The following RALGPS1 variants were observed in gnomAD, a reference collection of about 807,000 sequenced individuals.
RALGPS1 encodes the protein ras-specific guanine nucleotide-releasing factor RalGPS1.
In RALGPS1, 19 loss-of-function variants were observed where a neutral mutation model predicts 78.8. The observed-to-expected ratio is 0.24, with a 90% CI of 0.17 to 0.35. RALGPS1 has a LOEUF of 0.35. RALGPS1 is among the 10% of genes least tolerant of loss of function. RALGPS1 has a pLI of 1.00. For missense variants in RALGPS1, 454 were observed against 688.3 expected, an observed-to-expected ratio of 0.66 and a Z score of 3.81; for synonymous variants, 228 against 256.3, an observed-to-expected ratio of 0.89 and a Z score of 1.06.
intron 8 of RALGPS1, among the ~76,000 whole-genome samples, chr9:127,103,195 A>G (rs2053902227): frequency 6.6e-6 from 1 of 152,248 alleles, no homozygotes; most frequent in Non-Finnish European, 1.5e-5. Context: ...GTGCTGGGGA[A>G]CCACAATCGT....
At chr9:127,198,986 G>C in intron 13 of RALGPS1, 29 bp from the exon 14 acceptor site, 1 of 1,607,918 alleles carries the variant, frequency 6.2e-7, no homozygotes, top group Non-Finnish European at 8.5e-7. Flanking sequence ...TGAAGCCGTT[G>C]TGCTCATTGA....
At chr9:126,962,170 G>A (rs1016067489) in intron 1 of RALGPS1, 55 bp from the exon 2 acceptor site, 9 of 925,922 alleles carry the variant, frequency 9.7e-6, no homozygotes, top group East Asian at 5.3e-5. Context: ...TTTGCCTGGG[G>A]GTGGGGATAA....
At chr9:127,001,969 T>C (rs1390514215) in intron 4 of RALGPS1, among the ~76,000 whole-genome samples, 2 of 152,184 alleles carry the variant, frequency 1.3e-5, no homozygotes, top group Non-Finnish European at 2.9e-5. Context: ...TTAAAGTCTA[T>C]TATCTTTTAA....
chr9:127,143,870 C>T (rs889815187), intron 8 of RALGPS1, among the ~76,000 whole-genome samples: 2 of 152,210 alleles, frequency 1.3e-5, no homozygotes, highest in African/African-American at 4.8e-5. Context: ...GGCAGGAGTC[C>T]TCGTTGGAGA....
In RALGPS1 at chr9:127,219,330, A is replaced by G; in HGVS notation, c.*561A>G. 1 of 156,444 alleles carries G rather than the reference A, an allele frequency of 6.4e-6. No individual in the cohort carries two copies. Among genetic ancestry groups the G allele is most frequent in the Non-Finnish European group, 1.4e-5 (1 of 70,266 alleles). The allele number at this position is 156,444 out of a possible 1,614,324, so 9.7% of individuals were successfully genotyped here. A position where few individuals can be genotyped will look rare whatever the true frequency, so the allele number is the denominator to read the frequency against. ...ATTTTGGCACAAGACTCGTGACATC[A>G]CACACTTCATTCGCTTTGAGGCCCT... On this transcript the variant is annotated 3_prime_UTR_variant, in exon 19 of 19. Coordinates refer to ENST00000259351, the MANE Select transcript of RALGPS1 (RefSeq NM_014636.3). The surrounding 1 kb of genome is among the most constrained non-coding windows in gnomAD (Gnocchi z 5.0).
intron 1 of RALGPS1, among the ~76,000 whole-genome samples, chr9:126,915,203 TGGGGTCCGGGGCCA>T (rs2033990507): frequency 2.5e-5 from 2 of 80,696 alleles, no homozygotes; most frequent in Non-Finnish European, 4.9e-5. Flanking sequence ...CCGGGGGTTC[TGGGGTCCGGGGCCA>T]GGGGCGCGCT....
chr9:126,917,419 T>G (rs1370838443), intron 1 of RALGPS1, among the ~76,000 whole-genome samples: 1 of 152,218 alleles, frequency 6.6e-6, no homozygotes, highest in Non-Finnish European at 1.5e-5. Context: ...TGAAAAATAC[T>G]GCATGTGAGG....
At chr9:127,058,664 A>G (rs1296129671) in intron 7 of RALGPS1, among the ~76,000 whole-genome samples, 1 of 152,206 alleles carries the variant, frequency 6.6e-6, no homozygotes, top group Non-Finnish European at 1.5e-5. Context: ...TGATCTCAAG[A>G]GGAGACTGAC....
chr9:127,060,158 C>T (rs1265728360), intron 7 of RALGPS1, among the ~76,000 whole-genome samples: 1 of 152,114 alleles, frequency 6.6e-6, no homozygotes, highest in African/African-American at 2.4e-5. Context: ...AATTCAGCTA[C>T]CCGTAGAAAT....
intron 4 of RALGPS1, among the ~76,000 whole-genome samples, chr9:127,020,802 C>G (rs1459213089): frequency 6.6e-6 from 1 of 152,174 alleles, no homozygotes; most frequent in Admixed American, 6.5e-5. Context: ...GGCAACAGGC[C>G]TAGGTTTAGT....
chr9:127,157,699 A>G (rs2058781549), intron 8 of RALGPS1, among the ~76,000 whole-genome samples: 1 of 152,000 alleles, frequency 6.6e-6, no homozygotes, highest in Admixed American at 6.5e-5. Flanking sequence ...TTTGAAGTTA[A>G]CTTTGTTATT....
chr9:127,129,188 A>G (rs1428661788), intron 8 of RALGPS1, among the ~76,000 whole-genome samples: 1 of 152,196 alleles, frequency 6.6e-6, no homozygotes. Context: ...CTCTCATACC[A>G]TAGCTGGTGC....
chr9:126,991,287 C>T (rs1222089672), intron 4 of RALGPS1, among the ~76,000 whole-genome samples: 1 of 152,086 alleles, frequency 6.6e-6, no homozygotes. Context: ...TAAGGCCTGC[C>T]TGAAGGGTGG....
rs2034841957 is a variant in RALGPS1, at chr9:126,922,249, A to T, written c.-66+7274A>T. ...CAACATGATACTTTCCCTCTTCAGG[A>T]TTTAAATATTTATTTTTTAAGGTTA... On this transcript the variant is annotated intron_variant, in intron 1 of 18. Transcript: ENST00000259351. Among the ~76,000 whole-genome samples the T allele has an allele frequency of 2.6e-5, 4 of 152,204 alleles. No individual in the cohort carries two copies. In the South Asian group the frequency reaches 8.3e-4, roughly 31 times the overall value.
In RALGPS1 at chr9:127,057,089, C is replaced by T. The variant is rs147863351; in HGVS notation, c.483+4150C>T. Among the ~76,000 whole-genome samples, 575 of 152,304 alleles carry T rather than the reference C, an allele frequency of 3.8e-3. 1 individual carries two copies. The highest frequency in any genetic ancestry group is 0.02 in the Middle Eastern group (6 of 294). On this transcript the variant is annotated intron_variant, in intron 7 of 18. Transcript: ENST00000259351. ...TTCAAGATCCAGAGCTGGTGAGTGA[C>T]AGAACCAGCATGACACAGCCTTGTC... is the stretch of plus-strand genomic sequence containing the variant.
intron 4 of RALGPS1, 154 bp downstream of exon 4, chr9:126,977,899 G>A: frequency 1.9e-6 from 1 of 529,238 alleles, no homozygotes; most frequent in South Asian, 3.0e-5. Context: ...TGGTGCTCAT[G>A]TTTTTGAGCC....
chr9:127,039,988 C>G (rs2047153759), intron 5 of RALGPS1, among the ~76,000 whole-genome samples: 1 of 152,220 alleles, frequency 6.6e-6, no homozygotes, highest in Admixed American at 6.5e-5. Flanking sequence ...AGTTGCACTT[C>G]TCAGCCTAGG....
chr9:126,976,102 T>G (rs2040593493), intron 3 of RALGPS1, among the ~76,000 whole-genome samples: 1 of 152,180 alleles, frequency 6.6e-6, no homozygotes, highest in Non-Finnish European at 1.5e-5. Context: ...CTCTAATATA[T>G]TCTTAATACA....
intron 8 of RALGPS1, among the ~76,000 whole-genome samples, chr9:127,090,223 C>T (rs1358118255): frequency 6.6e-6 from 1 of 152,200 alleles, no homozygotes; most frequent in African/African-American, 2.4e-5. Flanking sequence ...GGACAAGGAC[C>T]TTGCCAGCTA....
Sources: allele counts gnomAD v4.1 joint callset (sites outside exome capture counted in the v4.1 genomes callset), GRCh38; gene constraint gnomAD v4.1.1; non-coding constraint Gnocchi (gnomAD v3.1); transcripts MANE v1.5; gene names NCBI Gene and HGNC (gene_info 2026-07-23, HGNC 2026-07-21).